Variants in LRRC20 observed in about 807,000 individuals in gnomAD.
LRRC20 encodes the protein leucine rich repeat containing 20.
LRRC20 carries 11 observed loss-of-function variants against 14.4 expected under a neutral mutation model. The observed-to-expected ratio is 0.77, with a 90% confidence interval of 0.48 to 1.27. The LOEUF (loss-of-function observed/expected upper bound fraction) is 1.27. Among genes scored for constraint, LRRC20 ranks in the 50% most tolerant of loss-of-function variants. The pLI is 0.00. For missense variants in LRRC20, 219 were observed against 251.2 expected, an observed-to-expected ratio of 0.87 and a Z score of 0.87; for synonymous variants, 121 against 107.3, an observed-to-expected ratio of 1.13 and a Z score of -0.79.
At chr10:70,359,090 G>A (rs2137093026) in intron 2 of LRRC20, among the ~76,000 whole-genome samples, 1 of 152,262 alleles carries the variant, frequency 6.6e-6, no homozygotes, top group Admixed American at 6.5e-5. Context: ...TTCTACTATG[G>A]TTTTACTGCA....
At chr10:70,322,114 G>A (rs1842106218) in intron 4 of LRRC20, among the ~76,000 whole-genome samples, 1 of 30,926 alleles carries the variant, frequency 3.2e-5, no homozygotes, top group African/African-American at 1.1e-4. Flanking sequence ...CAGTCGACCC[G>A]CTCCCTTATC....
chr10:70,331,719 G>C (rs940458171), intron 3 of LRRC20, among the ~76,000 whole-genome samples: 7 of 152,126 alleles, frequency 4.6e-5, no homozygotes, highest in Admixed American at 4.6e-4. Flanking sequence ...AGGATGGACC[G>C]GGGCTCTGGA....
intron 4 of LRRC20, 38 bp from the exon 5 acceptor site, chr10:70,301,546 G>A (rs762524545): frequency 5.0e-6 from 8 of 1,601,690 alleles, no homozygotes; most frequent in South Asian, 1.1e-5. Flanking sequence ...AGTGGTGGAG[G>A]CCAACCAGAC....
chr10:70,367,781 T>C (rs1844070488), intron 2 of LRRC20, among the ~76,000 whole-genome samples: 1 of 151,846 alleles, frequency 6.6e-6, no homozygotes, highest in African/African-American at 2.4e-5. Context: ...CATATGTTTG[T>C]CAGAACTCAA....
intron 3 of LRRC20, among the ~76,000 whole-genome samples, chr10:70,337,621 G>T (rs942753012): frequency 6.6e-6 from 1 of 152,046 alleles, no homozygotes; most frequent in African/African-American, 2.4e-5. Context: ...ATCCCACAAG[G>T]CTCTCCCCAG....
intron 3 of LRRC20, among the ~76,000 whole-genome samples, chr10:70,329,150 C>T (rs984037136): frequency 2.0e-5 from 3 of 152,210 alleles, no homozygotes; most frequent in South Asian, 2.1e-4. Flanking sequence ...TGCTAGACAG[C>T]GGGAAATCGT....
chr10:70,311,064 T>C (rs1413129272), intron 4 of LRRC20, among the ~76,000 whole-genome samples: 4 of 152,198 alleles, frequency 2.6e-5, no homozygotes, highest in Admixed American at 2.6e-4. Flanking sequence ...GCCTCCCAGA[T>C]AGCATGCTAT....
rs776782501 is a variant in LRRC20, at chr10:70,300,393, C to T, written c.*961G>A. On this transcript the variant is annotated 3_prime_UTR_variant, in exon 5 of 5. Transcript: ENST00000446961. ...GTTGAGGGCCTCAGAAGAACCAGGT[C>T]ATCAGGGCTTTGGGCGTTGGCCTGG... 298 of 985,378 alleles carry T rather than the reference C, an allele frequency of 3.0e-4. No homozygotes were observed. Among genetic ancestry groups the T allele is most frequent in the Non-Finnish European group, 3.6e-4 (295 of 829,994 alleles). The allele number at this position is 985,378 out of a possible 1,614,324, so 61.0% of individuals were successfully genotyped here. A position where few individuals can be genotyped will look rare whatever the true frequency, so the allele number is the denominator to read the frequency against.
intron 2 of LRRC20, among the ~76,000 whole-genome samples, chr10:70,360,100 G>A (rs1486181958): frequency 6.6e-6 from 1 of 151,890 alleles, no homozygotes; most frequent in African/African-American, 2.4e-5. Context: ...ATTTTTAGTA[G>A]AGACGGGGTT....
At chr10:70,311,355 GGGAT>G (rs1250997450) in intron 4 of LRRC20, among the ~76,000 whole-genome samples, 1 of 150,656 alleles carries the variant, frequency 6.6e-6, no homozygotes, top group Non-Finnish European at 1.5e-5. Context: ...CAGCCTCCCT[GGGAT>G]TACAGGTGCA....
intron 2 of LRRC20, among the ~76,000 whole-genome samples, chr10:70,366,444 A>G (rs1285016823): frequency 6.6e-6 from 1 of 152,210 alleles, no homozygotes; most frequent in Admixed American, 6.5e-5. Flanking sequence ...ATAAAATAAA[A>G]TAAAAATAAA....
chr10:70,333,816 C>G (rs1387917426), intron 3 of LRRC20, among the ~76,000 whole-genome samples: 1 of 152,214 alleles, frequency 6.6e-6, no homozygotes, highest in Non-Finnish European at 1.5e-5. Context: ...CTCTCCCAGA[C>G]CCCACTATTC....
Position 70,320,742 on chromosome 10 carries a change from C to T in LRRC20, c.400+3121G>A, listed in dbSNP as rs906014997. 5.3e-5 allele frequency among the ~76,000 whole-genome samples: 8 copies of T among 152,266 alleles called. No individual in the cohort carries two copies. In the South Asian group the frequency reaches 6.2e-4, roughly 12 times the overall value. ...ATCCACGTGCCACACAGACCTGAAA[C>T]GTGAGGGCATTTAGCTACCAGTGAG... On this transcript the variant is annotated intron_variant, in intron 4 of 4. Coordinates refer to ENST00000446961, the MANE Select transcript of LRRC20 (RefSeq NM_001278212.2).
At chr10:70,336,272 A>G (rs12415525) in intron 3 of LRRC20, among the ~76,000 whole-genome samples, 83,112 of 151,986 alleles carry the variant, frequency 0.55, 22,853 homozygotes, top group African/African-American at 0.59. Context: ...ACGGGCAGGG[A>G]TGTGAGAGAC....
chr10:70,338,795 G>A (rs1320407682), intron 3 of LRRC20, among the ~76,000 whole-genome samples: 1 of 152,160 alleles, frequency 6.6e-6, no homozygotes, highest in Non-Finnish European at 1.5e-5. Flanking sequence ...CAAGTAGTTG[G>A]GATTACAGGT....
chr10:70,324,017 C>T lies in LRRC20; in HGVS notation c.246G>A (p.Glu82=), dbSNP rs779354394. 22 of 1,613,898 alleles carry T rather than the reference C, an allele frequency of 1.4e-5. No individual in the cohort carries two copies. Among genetic ancestry groups the T allele is most frequent in the Non-Finnish European group, 1.9e-5 (22 of 1,180,010 alleles). ...TGGGGAGGCGGTGTAGGAAGTTCCC[C>T]TCCAGGTGGAGCTCTGCCACGTGCA... ...TFSQLRELHL[E]GNFLHRLPSE... The change falls in exon 4 of 5, where the codon GAG becomes GAA. Residue 82 remains glutamate, a synonymous_variant. Coordinates refer to ENST00000446961, the MANE Select transcript of LRRC20 (RefSeq NM_001278212.2).
intron 4 of LRRC20, among the ~76,000 whole-genome samples, chr10:70,308,561 C>T (rs535735586): frequency 3.3e-5 from 5 of 152,204 alleles, no homozygotes; most frequent in African/African-American, 1.2e-4. Flanking sequence ...ATTGCTTACT[C>T]CAGGAGCTGT....
chr10:70,361,232 C>T (rs1843709611), intron 2 of LRRC20, among the ~76,000 whole-genome samples: 1 of 152,182 alleles, frequency 6.6e-6, no homozygotes, highest in African/African-American at 2.4e-5. Flanking sequence ...ATCACCTCTC[C>T]AGAGCTGGGA....
chr10:70,327,123 C>T (rs1460382139), intron 3 of LRRC20, among the ~76,000 whole-genome samples: 1 of 152,210 alleles, frequency 6.6e-6, no homozygotes, highest in Non-Finnish European at 1.5e-5. Context: ...GGGGTCATGG[C>T]CGATGCGGCC....
Sources: allele counts gnomAD v4.1 joint callset (sites outside exome capture counted in the v4.1 genomes callset), GRCh38; gene constraint gnomAD v4.1.1; transcripts MANE v1.5; gene names NCBI Gene and HGNC (gene_info 2026-07-23, HGNC 2026-07-21).